Variants in ACSM2B observed in about 807,000 individuals in gnomAD.
ACSM2B encodes the protein acyl-coenzyme A synthetase ACSM2B, mitochondrial.
A neutral mutation model predicts 78.6 loss-of-function variants in ACSM2B; 58 were observed. That is an observed-to-expected ratio of 0.74 (90% CI 0.60 to 0.92). The LOEUF is 0.92. Among genes scored for constraint, ACSM2B ranks in the 40% least tolerant of loss-of-function variants. ACSM2B has a pLI of 0.00. For missense variants in ACSM2B, 688 were observed against 711.2 expected (o/e 0.97, Z 0.37); for synonymous variants, 257 against 256.8 (o/e 1.00, Z -0.01).
At chr16:20,564,981 G>A (rs1311358086) in intron 1 of ACSM2B, 128 bp from the exon 2 acceptor site, 1 of 1,275,014 alleles carries the variant, frequency 7.8e-7, no homozygotes, top group African/African-American at 1.6e-5. Context: ...CTGTAGTTAT[G>A]AGTAAATTGG....
intron 6 of ACSM2B, among the ~76,000 whole-genome samples, chr16:20,548,859 T>C (rs1314073599): frequency 6.6e-6 from 1 of 152,160 alleles, no homozygotes; most frequent in Non-Finnish European, 1.5e-5. Context: ...CCCTTAACTT[T>C]CTGTAGCCAG....
intron 9 of ACSM2B, among the ~76,000 whole-genome samples, chr16:20,545,911 T>C (rs143412844): frequency 1.5e-3 from 232 of 152,304 alleles, no homozygotes; most frequent in Middle Eastern, 6.8e-3. Context: ...ACATTCATTA[T>C]AGTGTATTTT....
At chr16:20,567,594 TAA>T (rs2015959290) in intron 1 of ACSM2B, among the ~76,000 whole-genome samples, 1 of 134,522 alleles carries the variant, frequency 7.4e-6, no homozygotes, top group South Asian at 2.1e-4. Context: ...AATAATAATA[TAA>T]GATATATAAT....
intron 1 of ACSM2B, among the ~76,000 whole-genome samples, chr16:20,573,165 G>A (rs1026786966): frequency 6.6e-6 from 1 of 151,760 alleles, no homozygotes; most frequent in Non-Finnish European, 1.5e-5. Context: ...TCCCAGAATC[G>A]TTTTCCTGGT....
At chr16:20,573,844 C>T (rs1407848883) in intron 1 of ACSM2B, among the ~76,000 whole-genome samples, 4 of 151,964 alleles carry the variant, frequency 2.6e-5, no homozygotes, top group East Asian at 1.9e-4. Context: ...GGATCACATG[C>T]TTCAAAGGGC....
At chr16:20,561,724 A>G (rs898406252) in intron 2 of ACSM2B, among the ~76,000 whole-genome samples, 1 of 150,062 alleles carries the variant, frequency 6.7e-6, no homozygotes, top group African/African-American at 2.5e-5. Context: ...TTCTTTTTTT[A>G]TTACTATACT....
chr16:20,556,296 C>A lies in ACSM2B; in HGVS notation c.389-820G>T, dbSNP rs200963336. On this transcript the variant is annotated intron_variant, in intron 3 of 13. Coordinates refer to ENST00000329697, the MANE Select transcript of ACSM2B (RefSeq NM_001105069.2). ...ATGAGACTCCTTTGATTTTTAAAAT[C>A]TTCTGTAGAATAACTAGACTTAGGG... 2.4e-4 allele frequency among the ~76,000 whole-genome samples: 36 copies of A among 152,270 alleles called. 1 individual carries two copies. In the East Asian group the frequency reaches 5.6e-3, roughly 24 times the overall value.
intron 6 of ACSM2B, among the ~76,000 whole-genome samples, chr16:20,548,839 T>C (rs987015521): frequency 2.6e-5 from 4 of 152,182 alleles, no homozygotes; most frequent in Non-Finnish European, 5.9e-5. Flanking sequence ...AGCAGCTGTC[T>C]TGGTTGAGTC....
At chr16:20,567,777 T>G (rs1464699212) in intron 1 of ACSM2B, among the ~76,000 whole-genome samples, 1 of 140,424 alleles carries the variant, frequency 7.1e-6, no homozygotes, top group African/African-American at 2.6e-5. Context: ...CAGATATATA[T>G]AATATATAAT....
chr16:20,548,644 C>A (rs184398923), intron 6 of ACSM2B, among the ~76,000 whole-genome samples, 171 bp from the exon 7 acceptor site: 1 of 152,288 alleles, frequency 6.6e-6, no homozygotes, highest in East Asian at 1.9e-4. Context: ...CTCATGCACC[C>A]TGAAGGCACA....
At chr16:20,566,952 ATATATAT>A (rs535569171) in intron 1 of ACSM2B, among the ~76,000 whole-genome samples, 5,489 of 120,536 alleles carry the variant, frequency 0.046, 416 homozygotes, top group African/African-American at 0.16. Flanking sequence ...ATTATATATC[ATATATAT>A]TATATATTAT....
chr16:20,551,986 G>T (rs917857062), intron 6 of ACSM2B, among the ~76,000 whole-genome samples, 158 bp downstream of exon 6: 3 of 152,114 alleles, frequency 2.0e-5, no homozygotes, highest in Non-Finnish European at 4.4e-5. Flanking sequence ...TGAGCTCTGC[G>T]AGGTCAGGGA....
chr16:20,540,213 G>GC (rs2014946072), intron 13 of ACSM2B, among the ~76,000 whole-genome samples: 2 of 76,736 alleles, frequency 2.6e-5, no homozygotes, highest in East Asian at 5.8e-4. Flanking sequence ...AGGAAGAGTT[G>GC]TTTTTTTTTT....
intron 3 of ACSM2B, among the ~76,000 whole-genome samples, chr16:20,556,854 A>T (rs1414998533): frequency 2.0e-5 from 3 of 152,044 alleles, no homozygotes; most frequent in Non-Finnish European, 4.4e-5. Context: ...TTCTGGCTAT[A>T]ATTTCAGTAT....
chr16:20,547,945 C>A, intron 8 of ACSM2B, 117 bp downstream of exon 8: 1 of 1,549,796 alleles, frequency 6.5e-7, no homozygotes, highest in East Asian at 2.3e-5. Flanking sequence ...CACAGAGGCT[C>A]AATAAATATT....
At chr16:20,564,266 T>C (rs1173234107) in intron 2 of ACSM2B, among the ~76,000 whole-genome samples, 2 of 151,634 alleles carry the variant, frequency 1.3e-5, no homozygotes, top group African/African-American at 2.4e-5. Context: ...GCTAATTTTG[T>C]TTTAAACATT....
At chr16:20,557,674 A>G (rs533127970) in intron 3 of ACSM2B, among the ~76,000 whole-genome samples, 6 of 152,338 alleles carry the variant, frequency 3.9e-5, no homozygotes, top group Admixed American at 1.3e-4. Flanking sequence ...ATGGACCACA[A>G]GGCACTGCCA....
At chr16:20,576,060 C>T (rs2016241693) in intron 1 of ACSM2B, 147 bp downstream of exon 1, 1 of 148,138 alleles carries the variant, frequency 6.8e-6, no homozygotes, top group Non-Finnish European at 1.5e-5. Context: ...CCTCCTAAGA[C>T]TTGGCAGGTA....
chr16:20,565,990 C>T (rs75461051), intron 1 of ACSM2B, among the ~76,000 whole-genome samples: 27,523 of 150,500 alleles, frequency 0.18, 3,557 homozygotes, highest in East Asian at 0.69. Flanking sequence ...CTGCGAATGC[C>T]ATTAAGTCAT....
Sources: gnomAD v4.1 joint callset for allele counts (sites outside exome capture counted in the v4.1 genomes callset) on GRCh38, gnomAD v4.1.1 for gene constraint, MANE v1.5 for transcripts, NCBI Gene and HGNC (gene_info 2026-07-23, HGNC 2026-07-21) for gene names.